The following DDX49 variants were observed in gnomAD, a reference collection of about 807,000 sequenced individuals.
DDX49 encodes the protein DEAD-box helicase 49, also known as probable ATP-dependent RNA helicase DDX49.
A neutral mutation model predicts 56.3 loss-of-function variants in DDX49; 50 were observed. The observed-to-expected ratio is 0.89, with a 90% confidence interval of 0.71 to 1.12. The LOEUF is 1.12. Among genes scored for constraint, DDX49 ranks in the 50% most tolerant of loss-of-function variants. The probability of loss-of-function intolerance (pLI) is 0.00; values close to 1 mark genes in which losing one functional copy is unlikely to be tolerated. For missense variants in DDX49, 614 were observed against 650.5 expected (o/e 0.94, Z 0.61); for synonymous variants, 269 against 270.6 (o/e 0.99, Z 0.06).
At position 18,921,604 on chromosome 19, in the gene DDX49, G is replaced by A. The variant is rs2056917619; in HGVS notation, c.240-59G>A. 5.3e-6 allele frequency: 8 copies of A among 1,512,330 alleles called. No homozygotes were observed. In the South Asian group the frequency reaches 7.9e-5, roughly 15 times the overall value. The allele number at this position is 1,512,330 out of a possible 1,614,324, so 93.7% of individuals were successfully genotyped here. A position where few individuals can be genotyped will look rare whatever the true frequency, so the allele number is the denominator to read the frequency against. ...GGAGGAACCCTGGGGATGGAGAGGG[G>A]AATGGGGGGCAGGTCCAGAACCACT... On this transcript the variant is annotated intron_variant, in intron 2 of 12. Coordinates refer to ENST00000247003, the MANE Select transcript of DDX49 (RefSeq NM_019070.5).
intron 4 of DDX49, 165 bp downstream of exon 4, chr19:18,922,129 A>C: frequency 8.5e-7 from 1 of 1,179,886 alleles, no homozygotes; most frequent in Non-Finnish European, 1.2e-6. Context: ...GACCAACAAG[A>C]GGGGGCCCAG....
chr19:18,927,752 T>A lies in DDX49; in HGVS notation c.1103-14T>A. 6.3e-7 allele frequency: 1 copy of A among 1,577,302 alleles called. No individual in the cohort carries two copies. ...TCCTCCCCACCCCCACCCCCGGCTT[T>A]GCTGTCCCCACAGAGAAGAAGCTGG... is the stretch of plus-strand genomic sequence containing the variant. On this transcript the variant is annotated splice_polypyrimidine_tract_variant and intron_variant, in intron 10 of 12. Transcript: ENST00000247003.
chr19:18,925,158 C>CCGAGGCAAGAAGATCACT, intron 9 of DDX49, 179 bp downstream of exon 9: 2 of 413,972 alleles, frequency 4.8e-6, no homozygotes, highest in East Asian at 3.6e-5. Context: ...ACTCGGGAGG[C>CCGAGGCAAGAAGATCACT]TGAGGCAAGA....
rs2056986017 is a variant in DDX49, at chr19:18,928,616, C to A, written c.*300C>A. 1 of 333,588 alleles carries A rather than the reference C, an allele frequency of 3.0e-6. No individual in the cohort carries two copies. The highest frequency in any genetic ancestry group is 2.1e-5 in the African/African-American group (1 of 46,808). The allele number at this position is 333,588 out of a possible 1,614,324, so 20.7% of individuals were successfully genotyped here. ...TACAGGAGGTGCTTAATAAACGGGT[C>A]TTTTGACTTCCTCAGTCTGACTTTC... On this transcript the variant is annotated 3_prime_UTR_variant, in exon 13 of 13. Transcript: ENST00000247003.
At chr19:18,925,111 G>A in intron 9 of DDX49, 132 bp downstream of exon 9, 1 of 1,221,694 alleles carries the variant, frequency 8.2e-7, no homozygotes, top group Non-Finnish European at 1.1e-6. Context: ...TGCAAGTTGG[G>A]GAGTTGTCCT....
rs144897155 is a variant in DDX49, at chr19:18,926,306, G to A, written c.1031G>A (p.Arg344Gln). 113 of 1,572,558 alleles carry A rather than the reference G, an allele frequency of 7.2e-5. No individual in the cohort carries two copies. In the East Asian group the frequency reaches 2.3e-3, roughly 32 times the overall value. Residue 344 changes from arginine to glutamine, a missense_variant, in exon 10 of 13, where the codon CGG (arginine) becomes CAG (glutamine). By Grantham distance (43) the Arg-to-Gln change is conservative. Coordinates refer to ENST00000247003, the MANE Select transcript of DDX49 (RefSeq NM_019070.5). ...HRVGRTARAG[R>Q]QGQAITLVTQ... Reference sequence around the variant, plus strand: ...GATAACCGGCACATCCCCACAGGGCGGCAGGGTCAGGCCATCACGCTGGTG... The same window carrying A: ...GATAACCGGCACATCCCCACAGGGCAGCAGGGTCAGGCCATCACGCTGGTG...
chr19:18,924,986 A>G lies in DDX49; in HGVS notation c.1027+7A>G. Reference sequence around the variant, plus strand: ...GGCCGGACGGCCCGTGCAGGTGAGCAGTGGAGGGGGAGGCCGAGCCTTGGG... The same window carrying G: ...GGCCGGACGGCCCGTGCAGGTGAGCGGTGGAGGGGGAGGCCGAGCCTTGGG... On this transcript the variant is annotated splice_region_variant and intron_variant, in intron 9 of 12. Coordinates refer to ENST00000247003, the MANE Select transcript of DDX49 (RefSeq NM_019070.5). The G allele has an allele frequency of 6.2e-7, 1 of 1,609,234 alleles. No homozygotes were observed. Among genetic ancestry groups the G allele is most frequent in the South Asian group, 1.1e-5 (1 of 91,056 alleles).
Position 18,922,742 on chromosome 19 carries a change from C to G in DDX49, c.774C>G (p.Cys258Trp). 6.2e-7 allele frequency: 1 copy of G among 1,607,872 alleles called. No individual in the cohort carries two copies. The highest frequency in any genetic ancestry group is 8.5e-7 in the Non-Finnish European group (1 of 1,176,534). The part of the protein sequence containing the change: ...DWSIIIFTNT[C>W]KTCQILCMML... ...CCATTATCATCTTCACCAACACGTG[C>G]AAGTGAGCGGGGCCCGCCTCTCCCC... Residue 258 changes from cysteine (C) to tryptophan (W), a missense_variant and splice_region_variant, in exon 6 of 13, where the codon TGC becomes TGG. Coordinates refer to ENST00000247003, the MANE Select transcript of DDX49 (RefSeq NM_019070.5).
chr19:18,921,944 A>G lies in DDX49; in HGVS notation c.427A>G (p.Ile143Val), dbSNP rs2056921228. The change falls in exon 4 of 13, where the codon ATA (isoleucine) becomes GTA (valine). Residue 143 changes from isoleucine to valine, a missense_variant. By Grantham distance (29) the Ile-to-Val change is conservative (BLOSUM62 3). Coordinates refer to ENST00000247003, the MANE Select transcript of DDX49 (RefSeq NM_019070.5). ...CCTGCGCAGCTCCAACACTTTTAGT[A>G]TAAAGAAGATCCGCTTCCTGGTGAG... is the stretch of plus-strand genomic sequence containing the variant. ...DHLRSSNTFS[I>V]KKIRFLVMDE... 1 of 1,611,826 alleles carries G rather than the reference A, an allele frequency of 6.2e-7. No homozygotes were observed. The highest frequency in any genetic ancestry group is 8.5e-7 in the Non-Finnish European group (1 of 1,178,644).
At chr19:18,923,731 T>C (rs1601251946) in intron 6 of DDX49, among the ~76,000 whole-genome samples, 2 of 151,698 alleles carry the variant, frequency 1.3e-5, no homozygotes, top group East Asian at 3.9e-4. Context: ...GGCCAACTCT[T>C]GTCAGTTCCA....
chr19:18,924,178 C>T lies in DDX49; in HGVS notation c.777-55C>T, dbSNP rs1443705625. The T allele has an allele frequency of 1.8e-5, 29 of 1,577,128 alleles. No homozygotes were observed. The Middle Eastern group carries it at 5.0e-4, about 27-fold the overall frequency. On this transcript the variant is annotated intron_variant, in intron 6 of 12. Coordinates refer to ENST00000247003, the MANE Select transcript of DDX49 (RefSeq NM_019070.5). ...TCTCAGGGGCGGGTGGGGGCAGGAA[C>T]ACCTTCCCAGAACCTGAGAGCTGGA...
chr19:18,922,099 A>G, intron 4 of DDX49, 135 bp downstream of exon 4: 1 of 1,313,384 alleles, frequency 7.6e-7, no homozygotes, highest in Non-Finnish European at 1.0e-6. Context: ...CGCTAGGAAC[A>G]GTGACAAGGA....
Position 18,920,670 on chromosome 19 carries a change from A to G in DDX49, c.206A>G (p.Tyr69Cys), listed in dbSNP as rs757589847. The change falls in exon 2 of 13, where the codon TAT becomes TGT. Residue 69 changes from tyrosine to cysteine, a missense_variant. Tyr to Cys is a radical substitution (Grantham distance 194, BLOSUM62 -2). Transcript: ENST00000247003. ...PILQKLSEDPYGIFCLVLTPT... is the reference protein window; with the variant it reads ...PILQKLSEDPCGIFCLVLTPT... ...TTGCAGAAGCTGTCTGAGGATCCCTATGGCATCTTCTGCCTCGTCCTGACA... is the reference window on the plus strand; with the variant it reads ...TTGCAGAAGCTGTCTGAGGATCCCTGTGGCATCTTCTGCCTCGTCCTGACA... The G allele has an allele frequency of 5.0e-6, 8 of 1,610,202 alleles. No homozygotes were observed. The highest frequency in any genetic ancestry group is 6.8e-6 in the Non-Finnish European group (8 of 1,176,796).
intron 6 of DDX49, among the ~76,000 whole-genome samples, chr19:18,923,688 T>G (rs1340856823): frequency 6.6e-6 from 1 of 152,020 alleles, no homozygotes; most frequent in East Asian, 1.9e-4. Flanking sequence ...CCCTAGCAAG[T>G]CAGTTTCCAG....
intron 6 of DDX49, among the ~76,000 whole-genome samples, chr19:18,923,355 C>A (rs1043060332): frequency 1.5e-4 from 23 of 152,170 alleles, no homozygotes; most frequent in African/African-American, 5.5e-4. Flanking sequence ...AACTTCATCT[C>A]GACTAAAAAT....
rs772254275 is a variant in DDX49 at position 18,919,737 on chromosome 19, C to G, written c.-5C>G. On this transcript the variant is annotated 5_prime_UTR_variant, in exon 1 of 13. Coordinates refer to ENST00000247003, the MANE Select transcript of DDX49 (RefSeq NM_019070.5). Reference sequence around the variant, plus strand: ...TACAAGGGGCCCCTACAAGCGGCCACAAGGATGGCAGGCTTCGCGGAGCTC... The same window carrying G: ...TACAAGGGGCCCCTACAAGCGGCCAGAAGGATGGCAGGCTTCGCGGAGCTC... 2.3e-5 allele frequency: 37 copies of G among 1,608,028 alleles called. 1 individual carries two copies. In the South Asian group the frequency reaches 4.0e-4, roughly 17 times the overall value.
Position 18,921,766 on chromosome 19 carries a change from C to T in DDX49, c.325+18C>T, listed in dbSNP as rs370868552. ...TGGCATGGGTACGGGAGCTGGGAGG[C>T]GGGGGAAGCCCCAGCATGGGACCCT... On this transcript the variant is annotated intron_variant, in intron 3 of 12. Coordinates refer to ENST00000247003, the MANE Select transcript of DDX49 (RefSeq NM_019070.5). The T allele has an allele frequency of 3.3e-5, 54 of 1,613,910 alleles. No individual in the cohort carries two copies. Among genetic ancestry groups the T allele is most frequent in the East Asian group, 1.8e-4 (8 of 44,876 alleles).
intron 7 of DDX49, 79 bp from the exon 8 acceptor site, chr19:18,924,544 G>A (rs1374739741): frequency 5.8e-5 from 87 of 1,497,080 alleles, no homozygotes; most frequent in Admixed American, 2.0e-4. Context: ...GGACTGTCCC[G>A]GCCTCCACCC....
At position 18,928,504 on chromosome 19, in the gene DDX49, C is replaced by A; in HGVS notation, c.*188C>A. 5.0e-6 allele frequency: 3 copies of A among 600,476 alleles called. No individual in the cohort carries two copies. The South Asian group carries it at 6.9e-5, about 14-fold the overall frequency. The allele number at this position is 600,476 out of a possible 1,614,324, so 37.2% of individuals were successfully genotyped here. A position where few individuals can be genotyped will look rare whatever the true frequency, so the allele number is the denominator to read the frequency against. ...CACTGGCTGGTCCCTTCCCTGAGCC[C>A]TGGCCAAGATTCAGGCTGCAGGGGA... On this transcript the variant is annotated 3_prime_UTR_variant, in exon 13 of 13. Coordinates refer to ENST00000247003, the MANE Select transcript of DDX49 (RefSeq NM_019070.5).
Sources: allele counts gnomAD v4.1 joint callset (sites outside exome capture counted in the v4.1 genomes callset), GRCh38; gene constraint gnomAD v4.1.1; transcripts MANE v1.5; gene names NCBI Gene and HGNC (gene_info 2026-07-23, HGNC 2026-07-21).